The following MAGI1 variants were observed in gnomAD, a reference collection of about 807,000 sequenced individuals.
The protein encoded by MAGI1 is membrane-associated guanylate kinase, WW and PDZ domain-containing protein 1.
Under a neutral mutation model 139.9 loss-of-function variants are expected in MAGI1, and 58 were observed. The ratio of observed to expected loss-of-function variants is 0.41; its 90% CI spans 0.34 to 0.52. The LOEUF is 0.52. MAGI1 is among the 20% of genes least tolerant of loss of function. The probability of loss-of-function intolerance (pLI) is 0.12; values close to 1 mark genes in which losing one functional copy is unlikely to be tolerated. For missense variants in MAGI1, 1,874 were observed against 1,901.6 expected (o/e 0.99, Z 0.27); for synonymous variants, 812 against 737.9 (o/e 1.10, Z -1.63).
intron 13 of MAGI1, among the ~76,000 whole-genome samples, chr3:65,401,080 CT>C (rs1944851027): frequency 6.6e-6 from 1 of 151,992 alleles, no homozygotes; most frequent in South Asian, 2.1e-4. Context: ...GTGGAGCTTT[CT>C]TTTTTTCTCT....
chr3:65,595,150 A>G (rs887562490), intron 2 of MAGI1, among the ~76,000 whole-genome samples: 5 of 152,136 alleles, frequency 3.3e-5, no homozygotes, highest in Non-Finnish European at 7.3e-5. Flanking sequence ...CCCCATCCAT[A>G]TGCCAAGAAT....
intron 1 of MAGI1, among the ~76,000 whole-genome samples, chr3:65,998,783 C>T (rs1576411220): frequency 1.3e-5 from 2 of 152,064 alleles, no homozygotes; most frequent in Middle Eastern, 6.8e-3. Context: ...GGGTACTATT[C>T]CTTTCATCTA....
chr3:65,722,879 C>G (rs1361023489), intron 1 of MAGI1, among the ~76,000 whole-genome samples: 1 of 150,676 alleles, frequency 6.6e-6, no homozygotes, highest in East Asian at 2.0e-4. Context: ...ACGGTGAATA[C>G]TTGTGGGGGT....
Position 65,632,020 on chromosome 3 carries a change from G to C in MAGI1, c.314-9932C>G, listed in dbSNP as rs544412482. On this transcript the variant is annotated intron_variant, in intron 1 of 22. Coordinates refer to ENST00000402939, the MANE Select transcript of MAGI1 (RefSeq NM_001033057.2). ...AGCCGGGGCAACAGAATGAGACTCC[G>C]TCTCAAAAAAAAAAAAACAGATATT... 1.4e-4 allele frequency among the ~76,000 whole-genome samples: 19 copies of C among 133,868 alleles called. 1 individual carries two copies. In the South Asian group the frequency reaches 4.8e-3, roughly 34 times the overall value. 87.8% of individuals were successfully genotyped at this position (133,868 alleles called of 152,430 possible). A position where few individuals can be genotyped will look rare whatever the true frequency, so the allele number is the denominator to read the frequency against.
At chr3:65,709,079 T>C (rs1380729479) in intron 1 of MAGI1, among the ~76,000 whole-genome samples, 1 of 152,184 alleles carries the variant, frequency 6.6e-6, no homozygotes, top group South Asian at 2.1e-4. Flanking sequence ...ATAACAGAAA[T>C]TATGCTTAAA....
chr3:65,950,634 G>GA (rs1240364775), intron 1 of MAGI1, among the ~76,000 whole-genome samples: 8 of 151,808 alleles, frequency 5.3e-5, no homozygotes, highest in African/African-American at 1.9e-4. Context: ...TTGCTCAAAG[G>GA]AAAAAAAATT....
chr3:65,485,520 T>C (rs1204464249), intron 3 of MAGI1, among the ~76,000 whole-genome samples: 1 of 152,178 alleles, frequency 6.6e-6, no homozygotes, highest in Admixed American at 6.5e-5. Flanking sequence ...ATAATGTGTA[T>C]AAAGCACCCA....
chr3:65,606,161 A>C (rs1301097153), intron 2 of MAGI1, among the ~76,000 whole-genome samples: 1 of 152,096 alleles, frequency 6.6e-6, no homozygotes, highest in African/African-American at 2.4e-5. Flanking sequence ...CAATTTTATA[A>C]ATTGCAAAAC....
At chr3:65,980,311 C>T (rs377240144) in intron 1 of MAGI1, among the ~76,000 whole-genome samples, 4 of 152,138 alleles carry the variant, frequency 2.6e-5, no homozygotes, top group African/African-American at 9.7e-5. Context: ...GCCTATAATC[C>T]CAGCATTTTG....
chr3:65,947,029 G>A (rs1208831259), intron 1 of MAGI1, among the ~76,000 whole-genome samples: 1 of 152,082 alleles, frequency 6.6e-6, no homozygotes, highest in East Asian at 1.9e-4. Context: ...TAAATGTCAA[G>A]GCAAATTTGT....
intron 1 of MAGI1, among the ~76,000 whole-genome samples, chr3:65,958,795 T>A (rs1024727562): frequency 3.3e-5 from 5 of 152,144 alleles, no homozygotes; most frequent in Non-Finnish European, 7.3e-5. Flanking sequence ...GAGACCAGCC[T>A]AGCCAACATG....
chr3:65,600,823 T>G (rs1478876709), intron 2 of MAGI1, among the ~76,000 whole-genome samples: 2 of 152,192 alleles, frequency 1.3e-5, no homozygotes, highest in African/African-American at 4.8e-5. Context: ...TCACAATAAA[T>G]GCTGTGGAAA....
At chr3:65,743,926 T>A (rs1327123138) in intron 1 of MAGI1, among the ~76,000 whole-genome samples, 2 of 151,520 alleles carry the variant, frequency 1.3e-5, no homozygotes, top group East Asian at 3.9e-4. Context: ...CAAGACACCA[T>A]GATTATGTGT....
chr3:65,465,424 T>C (rs985363311), intron 5 of MAGI1, among the ~76,000 whole-genome samples: 1 of 151,972 alleles, frequency 6.6e-6, no homozygotes, highest in African/African-American at 2.4e-5. Context: ...AGAGTAGGCC[T>C]GCTGGCAGCA....
intron 3 of MAGI1, among the ~76,000 whole-genome samples, chr3:65,493,032 C>T (rs561870047): frequency 9.4e-4 from 139 of 148,488 alleles, no homozygotes; most frequent in African/African-American, 3.0e-3. Context: ...GAGCCAAGAT[C>T]GCGCCACTGC....
chr3:65,551,262 C>A (rs1462288509), intron 2 of MAGI1, among the ~76,000 whole-genome samples: 6 of 152,138 alleles, frequency 3.9e-5, no homozygotes, highest in Non-Finnish European at 7.3e-5. Flanking sequence ...GAGGACTCCC[C>A]AGCCATGAGG....
intron 1 of MAGI1, among the ~76,000 whole-genome samples, chr3:65,876,447 G>A (rs1378221827): frequency 2.6e-5 from 4 of 152,006 alleles, no homozygotes; most frequent in South Asian, 2.1e-4. Flanking sequence ...TAAGGTAGAC[G>A]GGAAAAAAGT....
intron 1 of MAGI1, among the ~76,000 whole-genome samples, chr3:65,969,167 G>A (rs1048546908): frequency 2.6e-5 from 4 of 152,216 alleles, no homozygotes; most frequent in Non-Finnish European, 4.4e-5. Context: ...CTTGAACACC[G>A]TGGGGAGTCT....
At chr3:65,447,553 T>C (rs1236087676) in intron 7 of MAGI1, among the ~76,000 whole-genome samples, 1 of 152,236 alleles carries the variant, frequency 6.6e-6, no homozygotes, top group African/African-American at 2.4e-5. Flanking sequence ...TCAGTGACCT[T>C]CTTTTATTGC....
Sources: allele counts gnomAD v4.1 joint callset (sites outside exome capture counted in the v4.1 genomes callset), GRCh38; gene constraint gnomAD v4.1.1; transcripts MANE v1.5; gene names NCBI Gene and HGNC (gene_info 2026-07-23, HGNC 2026-07-21).